Variants in CPQ observed in about 807,000 individuals in gnomAD.
The protein encoded by CPQ is Ser-Met dipeptidase.
CPQ carries 37 observed loss-of-function variants against 45.7 expected under a neutral mutation model. The observed-to-expected ratio is 0.81, with a 90% CI of 0.62 to 1.07. The LOEUF (loss-of-function observed/expected upper bound fraction) is 1.07. Among genes scored for constraint, CPQ ranks in the 50% least tolerant of loss-of-function variants. The pLI is 0.00. For synonymous variants in CPQ, 186 were observed against 205.8 expected (o/e 0.90, Z 0.82); for missense variants, 537 against 572.9 (o/e 0.94, Z 0.64).
At chr8:96,710,377 T>C (rs993548474) in intron 1 of CPQ, among the ~76,000 whole-genome samples, 16 of 152,142 alleles carry the variant, frequency 1.1e-4, no homozygotes, top group African/African-American at 3.4e-4. Flanking sequence ...TTATTTCTTT[T>C]CTTCTGCTAG....
chr8:97,080,423 T>C (rs1810925339), intron 7 of CPQ, among the ~76,000 whole-genome samples: 1 of 152,206 alleles, frequency 6.6e-6, no homozygotes, highest in African/African-American at 2.4e-5. Flanking sequence ...TAATCAATTA[T>C]AGGATTCTAG....
rs1411715575 is a variant in CPQ, at chr8:97,023,681, C to A, written c.962-5722C>A. ...ATTATGGAAATTATAGCTGTTAAGA[C>A]CTGTTCCACAAACACAGGTTATACA... On this transcript the variant is annotated intron_variant, in intron 5 of 7. Coordinates refer to ENST00000220763, the MANE Select transcript of CPQ (RefSeq NM_016134.4). Among the ~76,000 whole-genome samples the A allele has an allele frequency of 2.0e-5, 3 of 152,132 alleles. No homozygotes were observed. In the East Asian group the frequency reaches 5.8e-4, roughly 29 times the overall value.
chr8:97,081,356 C>T (rs932764201), intron 7 of CPQ, among the ~76,000 whole-genome samples: 12 of 152,084 alleles, frequency 7.9e-5, no homozygotes, highest in African/African-American at 1.4e-4. Flanking sequence ...CCCCCCCATA[C>T]GCTTAAATTT....
intron 1 of CPQ, among the ~76,000 whole-genome samples, chr8:96,684,102 C>A (rs1341917437): frequency 6.6e-6 from 1 of 152,024 alleles, no homozygotes; most frequent in Non-Finnish European, 1.5e-5. Flanking sequence ...TGTCATGTTT[C>A]TTTGCTTTTT....
At chr8:97,134,674 T>C (rs1461562865) in intron 7 of CPQ, among the ~76,000 whole-genome samples, 8 of 152,176 alleles carry the variant, frequency 5.3e-5, no homozygotes, top group Non-Finnish European at 1.5e-5. Context: ...AAAAGGCACA[T>C]TTTTTCCCGA....
At chr8:97,113,385 G>A (rs905392601) in intron 7 of CPQ, among the ~76,000 whole-genome samples, 1 of 152,184 alleles carries the variant, frequency 6.6e-6, no homozygotes, top group African/African-American at 2.4e-5. Context: ...GGACTTTAAT[G>A]TGTTTTAGAA....
rs186836023 is a variant in CPQ at position 96,816,552 on chromosome 8, G to A, written c.434-18421G>A. Among the ~76,000 whole-genome samples the A allele has an allele frequency of 2.8e-4, 43 of 152,134 alleles. No homozygotes were observed. The East Asian group carries it at 7.9e-3, about 28-fold the overall frequency. ...GAATATTCTTAATGGAATCTAGAATGGTGAATCTTTTCCAGAAGGTTGTTG... is the reference window on the plus strand; with the variant it reads ...GAATATTCTTAATGGAATCTAGAATAGTGAATCTTTTCCAGAAGGTTGTTG... On this transcript the variant is annotated intron_variant, in intron 2 of 7. Coordinates refer to ENST00000220763, the MANE Select transcript of CPQ (RefSeq NM_016134.4).
chr8:96,973,599 A>C (rs914648341), intron 5 of CPQ, among the ~76,000 whole-genome samples: 7 of 152,202 alleles, frequency 4.6e-5, no homozygotes, highest in African/African-American at 9.6e-5. Flanking sequence ...AAAGGAAGGA[A>C]TCTTAAGAGC....
chr8:97,141,499 A>T (rs1812163227), intron 7 of CPQ, among the ~76,000 whole-genome samples: 1 of 152,188 alleles, frequency 6.6e-6, no homozygotes, highest in Admixed American at 6.5e-5. Context: ...CACACTCACC[A>T]AATTTACAAA....
At chr8:97,035,722 A>T (rs148670455) in intron 6 of CPQ, among the ~76,000 whole-genome samples, 3,146 of 151,792 alleles carry the variant, frequency 0.021, 101 homozygotes, top group African/African-American at 0.068. Flanking sequence ...TTTCTTTTGT[A>T]TTTGAGACAG....
chr8:96,647,507 AC>A (rs912126576), intron 1 of CPQ, among the ~76,000 whole-genome samples: 1 of 152,196 alleles, frequency 6.6e-6, no homozygotes, highest in Non-Finnish European at 1.5e-5. Flanking sequence ...TTAACTAGAA[AC>A]AGTACATGGA....
intron 4 of CPQ, among the ~76,000 whole-genome samples, chr8:96,957,274 G>T (rs554275811): frequency 6.6e-6 from 1 of 152,236 alleles, no homozygotes; most frequent in Admixed American, 6.5e-5. Context: ...AATGCTTTGA[G>T]TAACTTTCAT....
chr8:96,708,437 G>A (rs2565145), intron 1 of CPQ, among the ~76,000 whole-genome samples: 9,087 of 109,724 alleles, frequency 0.083, 909 homozygotes, highest in African/African-American at 0.32. Flanking sequence ...GTGTGTGTGT[G>A]TATATATATA....
chr8:96,756,650 A>T (rs1333554099), intron 1 of CPQ, among the ~76,000 whole-genome samples: 1 of 152,126 alleles, frequency 6.6e-6, no homozygotes, highest in Non-Finnish European at 1.5e-5. Flanking sequence ...GACTATTGTC[A>T]TGATTTAACT....
At chr8:96,932,982 T>G (rs1812994341) in intron 4 of CPQ, among the ~76,000 whole-genome samples, 1 of 152,194 alleles carries the variant, frequency 6.6e-6, no homozygotes, top group Non-Finnish European at 1.5e-5. Flanking sequence ...AACCATTGGC[T>G]TCTTGCTAGT....
chr8:96,703,230 A>G (rs1169700742), intron 1 of CPQ, among the ~76,000 whole-genome samples: 1 of 152,124 alleles, frequency 6.6e-6, no homozygotes, highest in Admixed American at 6.6e-5. Context: ...AGACTTTGCC[A>G]TATTTTTTTT....
chr8:96,987,184 G>GACAAC (rs1370510394), intron 5 of CPQ, among the ~76,000 whole-genome samples: 2 of 152,132 alleles, frequency 1.3e-5, no homozygotes, highest in Non-Finnish European at 1.5e-5. Flanking sequence ...ATGTCCATAT[G>GACAAC]TTATGTATAC....
intron 1 of CPQ, among the ~76,000 whole-genome samples, chr8:96,660,525 A>C (rs931230016): frequency 2.0e-5 from 3 of 152,152 alleles, no homozygotes; most frequent in Non-Finnish European, 4.4e-5. Flanking sequence ...TGTACTCATG[A>C]ATGTATAATG....
intron 1 of CPQ, among the ~76,000 whole-genome samples, chr8:96,708,129 ATC>A (rs971859139): frequency 8.4e-4 from 128 of 151,950 alleles, no homozygotes; most frequent in African/African-American, 2.7e-3. Flanking sequence ...TCAATGTTGC[ATC>A]TCTCTGTCCC....
Sources: allele counts gnomAD v4.1 joint callset (sites outside exome capture counted in the v4.1 genomes callset), GRCh38; gene constraint gnomAD v4.1.1; transcripts MANE v1.5; gene names NCBI Gene and HGNC (gene_info 2026-07-23, HGNC 2026-07-21).